WDR36: variants seen among roughly 807,000 people sequenced by gnomAD.
WDR36 encodes the protein WD repeat domain 36, also known as WD repeat-containing protein 36.
Under a neutral mutation model 112.7 loss-of-function variants are expected in WDR36, and 63 were observed. That is an observed-to-expected ratio of 0.56 (90% confidence interval 0.46 to 0.69). The LOEUF is 0.69. Among genes scored for constraint, WDR36 ranks in the 30% least tolerant of loss-of-function variants. WDR36 has a pLI of 0.00. For synonymous variants in WDR36, 410 were observed against 362.2 expected, an observed-to-expected ratio of 1.13 and a Z score of -1.50; for missense variants, 1,226 against 1,070.3, an observed-to-expected ratio of 1.15 and a Z score of -2.03.
Position 111,111,152 on chromosome 5 carries a change from G to T in WDR36, c.1608-18G>T. The T allele has an allele frequency of 6.2e-7, 1 of 1,607,106 alleles. No individual in the cohort carries two copies. Among genetic ancestry groups the T allele is most frequent in the Non-Finnish European group, 8.5e-7 (1 of 1,174,094 alleles). ...AAGGGTTTTTTGTTTATTAAAACTG[G>T]TGCATTTATCTTGCTAGTGGCATTC... On this transcript the variant is annotated intron_variant, in intron 14 of 22. Transcript: ENST00000513710.
chr5:111,111,148 A>T, intron 14 of WDR36, 22 bp from the exon 15 acceptor site: 1 of 1,606,860 alleles, frequency 6.2e-7, no homozygotes, highest in Non-Finnish European at 8.5e-7. Flanking sequence ...GTTTATTAAA[A>T]CTGGTGCATT....
At position 111,127,883 on chromosome 5, in the gene WDR36, G is replaced by C. The variant is rs1288699015; in HGVS notation, c.*1000G>C. On this transcript the variant is annotated 3_prime_UTR_variant, in exon 23 of 23. Transcript: ENST00000513710. The stretch of plus-strand genomic sequence containing the variant: ...TTATTGCTACCACAGCCAAGAATGG[G>C]TATTTCAAAGCCAGGGTTTTTTTTA... 4.9e-6 allele frequency: 1 copy of C among 205,764 alleles called. No homozygotes were observed. Among genetic ancestry groups the C allele is most frequent in the Non-Finnish European group, 9.8e-6 (1 of 101,562 alleles). 12.7% of individuals were successfully genotyped at this position (205,764 alleles called of 1,614,324 possible).
chr5:111,117,363 A>G (rs1028296792), intron 16 of WDR36, among the ~76,000 whole-genome samples: 1 of 152,148 alleles, frequency 6.6e-6, no homozygotes, highest in Admixed American at 6.6e-5. Flanking sequence ...GCGTTTTACC[A>G]TGGGCAAGCA....
chr5:111,101,053 T>G (rs1262500827), intron 5 of WDR36, among the ~76,000 whole-genome samples: 5 of 152,024 alleles, frequency 3.3e-5, no homozygotes, highest in African/African-American at 1.2e-4. Flanking sequence ...GAAAGTTATA[T>G]GCAAATACCA....
chr5:111,098,945 A>T, intron 4 of WDR36, 106 bp downstream of exon 4: 1 of 818,730 alleles, frequency 1.2e-6, no homozygotes, highest in Admixed American at 2.3e-5. Context: ...TGTAAATAGT[A>T]AGAAATTAAA....
intron 16 of WDR36, among the ~76,000 whole-genome samples, chr5:111,113,971 T>C (rs1053497527): frequency 2.0e-5 from 3 of 152,118 alleles, no homozygotes; most frequent in African/African-American, 7.2e-5. Flanking sequence ...ACATTGGGGA[T>C]TAAGTTTAAA....
At chr5:111,105,873 ATATC>A (rs1458972615) in intron 10 of WDR36, among the ~76,000 whole-genome samples, 180 bp from the exon 11 acceptor site, 1 of 151,602 alleles carries the variant, frequency 6.6e-6, no homozygotes, top group African/African-American at 2.4e-5. Context: ...ATTTTTAACA[ATATC>A]TAAAATAACT....
At chr5:111,123,656 A>T in intron 19 of WDR36, 149 bp from the exon 20 acceptor site, 1 of 1,084,982 alleles carries the variant, frequency 9.2e-7, no homozygotes, top group Non-Finnish European at 1.3e-6. Flanking sequence ...GGTATTGGTC[A>T]GAAGAGATCA....
chr5:111,115,087 A>G (rs969745572), intron 16 of WDR36, among the ~76,000 whole-genome samples: 1 of 152,214 alleles, frequency 6.6e-6, no homozygotes, highest in Non-Finnish European at 1.5e-5. Flanking sequence ...CTTTATTTTT[A>G]GGTGAACAGG....
chr5:111,124,315 T>G, intron 21 of WDR36, 126 bp downstream of exon 21: 1 of 830,224 alleles, frequency 1.2e-6, no homozygotes, highest in East Asian at 2.8e-5. Context: ...GATTGAAATT[T>G]TGGTTTTAAT....
At chr5:111,125,879 A>G in intron 22 of WDR36, 84 bp downstream of exon 22, 1 of 1,413,418 alleles carries the variant, frequency 7.1e-7, no homozygotes. Flanking sequence ...AAAGATGGGT[A>G]TGCTGTATAT....
In WDR36 at chr5:111,113,700, G is replaced by A. The variant is rs1295927706; in HGVS notation, c.1796+547G>A. 3.9e-5 allele frequency among the ~76,000 whole-genome samples: 6 copies of A among 152,198 alleles called. No homozygotes were observed. The East Asian group carries it at 1.2e-3, about 29-fold the overall frequency. The stretch of plus-strand genomic sequence containing the variant: ...TTCTTACACTTTGGGGGATTGAGAA[G>A]CCCCAGGTCAAAGGGCCATATCTGG... On this transcript the variant is annotated intron_variant, in intron 16 of 22. Transcript: ENST00000513710.
chr5:111,107,181 C>T, intron 11 of WDR36, 113 bp from the exon 12 acceptor site: 2 of 1,197,594 alleles, frequency 1.7e-6, no homozygotes, highest in Admixed American at 4.2e-5. Flanking sequence ...TCAGATATTA[C>T]CTGTTTGTTT....
At position 111,127,107 on chromosome 5, in the gene WDR36, C is replaced by T. The variant is rs915398578; in HGVS notation, c.*224C>T. ...ATTCCAGCACTTTCAGAGGCCAAAG[C>T]GGGAGGATTGCTTGAAGCCAGGAAT... is the stretch of plus-strand genomic sequence containing the variant. On this transcript the variant is annotated 3_prime_UTR_variant, in exon 23 of 23. Transcript: ENST00000513710. 9.7e-6 allele frequency: 4 copies of T among 413,370 alleles called. No individual in the cohort carries two copies. The highest frequency in any genetic ancestry group is 5.0e-5 in the South Asian group (1 of 20,096). 25.6% of individuals were successfully genotyped at this position (413,370 alleles called of 1,614,324 possible).
In WDR36 at chr5:111,107,317, G is replaced by A; in HGVS notation, c.1204G>A (p.Asp402Asn). 1 of 1,610,260 alleles carries A rather than the reference G, an allele frequency of 6.2e-7. No homozygotes were observed. Among genetic ancestry groups the A allele is most frequent in the Middle Eastern group, 1.7e-4 (1 of 6,038 alleles). The change falls in exon 12 of 23, where the codon GAT becomes AAT. Residue 402 changes from aspartate (D) to asparagine (N), a missense_variant. Physicochemically the swap from Asp to Asn is conservative, Grantham distance 23. Transcript: ENST00000513710. Reference protein sequence around the residue: ...AAEEARESDWDGIIACHQGKL... With the variant: ...AAEEARESDWNGIIACHQGKL... ...AGAGGAAGCTCGTGAAAGTGACTGG[G>A]ATGGTATCATTGCTTGCCATCAAGG...
Position 111,125,672 on chromosome 5 carries a change from C to T in WDR36, c.2415C>T (p.Ser805=). 3 of 1,613,900 alleles carry T rather than the reference C, an allele frequency of 1.9e-6. No homozygotes were observed. Among genetic ancestry groups the T allele is most frequent in the Non-Finnish European group, 2.5e-6 (3 of 1,179,866 alleles). Residue 805 remains serine (S), a synonymous_variant, in exon 22 of 23, where the codon AGC becomes AGT. Transcript: ENST00000513710. The part of the protein sequence containing the change: ...GPSGIETELR[S]LSPDCGGSIE... ...CAGGAATTGAAACAGAGCTGCGAAGCTTGTCTCCTGATTGTGGTGGGTCCA... is the reference window on the plus strand; with the variant it reads ...CAGGAATTGAAACAGAGCTGCGAAGTTTGTCTCCTGATTGTGGTGGGTCCA...
At chr5:111,113,493 T>C (rs1753390912) in intron 16 of WDR36, among the ~76,000 whole-genome samples, 1 of 152,062 alleles carries the variant, frequency 6.6e-6, no homozygotes, top group African/African-American at 2.4e-5. Flanking sequence ...AACTTTTGAG[T>C]TTTTTTAGTT....
At chr5:111,118,832 A>G (rs753141420) in intron 16 of WDR36, among the ~76,000 whole-genome samples, 181 bp from the exon 17 acceptor site, 3 of 152,140 alleles carry the variant, frequency 2.0e-5, no homozygotes, top group South Asian at 2.1e-4. Context: ...TTATTTTCAC[A>G]TAGTAACTTA....
intron 13 of WDR36, 73 bp downstream of exon 13, chr5:111,110,376 A>T: frequency 8.0e-7 from 1 of 1,253,220 alleles, no homozygotes; most frequent in Non-Finnish European, 1.2e-6. Flanking sequence ...TGGTATGTAT[A>T]ATCTTTAAGT....
Sources: allele counts gnomAD v4.1 joint callset (sites outside exome capture counted in the v4.1 genomes callset), GRCh38; gene constraint gnomAD v4.1.1; transcripts MANE v1.5; gene names NCBI Gene and HGNC (gene_info 2026-07-23, HGNC 2026-07-21).